ZC3H12B: variants seen among roughly 807,000 people sequenced by gnomAD.
ZC3H12B encodes the protein probable ribonuclease ZC3H12B.
ZC3H12B carries 7 observed loss-of-function variants against 43.9 expected under a neutral mutation model. That is an observed-to-expected ratio of 0.16 (90% CI 0.09 to 0.30). ZC3H12B has a LOEUF of 0.30. ZC3H12B is among the 10% of genes least tolerant of loss of function. The probability of loss-of-function intolerance (pLI) is 1.00; values close to 1 mark genes in which losing one functional copy is unlikely to be tolerated. For missense variants in ZC3H12B, 475 were observed against 670.2 expected, an observed-to-expected ratio of 0.71 and a Z score of 3.22; for synonymous variants, 222 against 241.7, an observed-to-expected ratio of 0.92 and a Z score of 0.76.
At chrX:65,117,383 C>G in the ZC3H12B span, among the ~76,000 whole-genome samples, 2 of 111,904 alleles carry the variant, frequency 1.8e-5, no homozygotes, top group African/African-American at 6.5e-5. Context: ...TGTTCATATC[C>G]TTCGCCCACT....
chrX:65,387,074 T>G (rs1173263042), intron 2 of ZC3H12B, among the ~76,000 whole-genome samples: 1 of 111,881 alleles, frequency 8.9e-6, no homozygotes, highest in African/African-American at 3.3e-5. Flanking sequence ...AACTATGTGG[T>G]CAATTTTGGA....
At chrX:65,080,730 G>A in the ZC3H12B span, among the ~76,000 whole-genome samples, 1 of 111,469 alleles carries the variant, frequency 9.0e-6, no homozygotes, top group Non-Finnish European at 1.9e-5. Flanking sequence ...AATGCTAAAG[G>A]GAGTAATTCA....
the ZC3H12B span, among the ~76,000 whole-genome samples, chrX:65,130,100 A>G: frequency 0.24 from 26,566 of 110,816 alleles, 7,709 homozygotes; most frequent in African/African-American, 0.83. Context: ...CTTGGTTGGC[A>G]AGTTTTTGGG....
chrX:65,453,392 ATATATATATAT>A (rs2067550313), intron 3 of ZC3H12B, among the ~76,000 whole-genome samples: 1 of 88,131 alleles, frequency 1.1e-5, no homozygotes, highest in African/African-American at 4.0e-5. Flanking sequence ...ATATATATAT[ATATATATATAT>A]AAAATAGAAT....
At chrX:65,415,575 G>C (rs1270931662) in intron 3 of ZC3H12B, among the ~76,000 whole-genome samples, 1 of 111,751 alleles carries the variant, frequency 8.9e-6, no homozygotes, top group South Asian at 3.8e-4. Context: ...CTGGTCAGCT[G>C]TGCCTTAACT....
chrX:65,355,381 G>A, the ZC3H12B span, among the ~76,000 whole-genome samples: 1 of 111,476 alleles, frequency 9.0e-6, no homozygotes, highest in South Asian at 3.8e-4. Context: ...TATACAAACA[G>A]GAAAGTATAT....
the ZC3H12B span, among the ~76,000 whole-genome samples, chrX:65,266,427 G>A: frequency 8.9e-6 from 1 of 112,082 alleles, no homozygotes. Flanking sequence ...ACTGGAAATA[G>A]CAAATTAGGA....
At chrX:65,369,408 A>T (rs929920938) in intron 2 of ZC3H12B, among the ~76,000 whole-genome samples, 8 of 111,998 alleles carry the variant, frequency 7.1e-5, no homozygotes, top group Non-Finnish European at 1.5e-4. Context: ...GACTTGCCTA[A>T]GATCATATAG....
chrX:65,139,270 G>A, the ZC3H12B span, among the ~76,000 whole-genome samples: 1 of 111,979 alleles, frequency 8.9e-6, no homozygotes, highest in Non-Finnish European at 1.9e-5. Context: ...TCTTCATATT[G>A]TGTGAAATAA....
At chrX:65,317,770 CTATATA>C in the ZC3H12B span, among the ~76,000 whole-genome samples, 1 of 99,418 alleles carries the variant, frequency 1.0e-5, no homozygotes, top group Non-Finnish European at 2.0e-5. Context: ...CACACACACA[CTATATA>C]TATATATATA....
chrX:65,142,836 A>G, the ZC3H12B span, among the ~76,000 whole-genome samples: 1 of 111,858 alleles, frequency 8.9e-6, no homozygotes, highest in African/African-American at 3.2e-5. Context: ...TCTGGGTTCT[A>G]TATTCTGTTT....
the ZC3H12B span, among the ~76,000 whole-genome samples, chrX:65,303,518 A>T: frequency 8.9e-6 from 1 of 112,156 alleles, no homozygotes. Context: ...ATATCTCAGT[A>T]ATCTAGGCAT....
the ZC3H12B span, among the ~76,000 whole-genome samples, chrX:65,129,828 A>C: frequency 1.8e-5 from 2 of 111,174 alleles, no homozygotes; most frequent in African/African-American, 6.6e-5. Flanking sequence ...TAGGGGCGGC[A>C]TGGGAACCTA....
chrX:65,359,181 A>G, the ZC3H12B span, among the ~76,000 whole-genome samples: 3 of 111,460 alleles, frequency 2.7e-5, no homozygotes, highest in African/African-American at 9.8e-5. Context: ...CTTTCAAGAT[A>G]TTACTTCTAT....
the ZC3H12B span, among the ~76,000 whole-genome samples, chrX:65,316,566 G>GA: frequency 3.6e-5 from 4 of 111,083 alleles, no homozygotes; most frequent in Non-Finnish European, 7.6e-5. Context: ...ATAAGTGAAG[G>GA]AAAAAAAGGT....
intron 2 of ZC3H12B, among the ~76,000 whole-genome samples, chrX:65,376,858 A>G (rs753572479): frequency 5.4e-5 from 6 of 110,877 alleles, no homozygotes; most frequent in Admixed American, 9.7e-5. Flanking sequence ...TTCAATGCCC[A>G]GACACCAAAG....
chrX:65,446,417 T>G (rs7890129), intron 3 of ZC3H12B, among the ~76,000 whole-genome samples: 9,186 of 111,172 alleles, frequency 0.083, 1,026 homozygotes, highest in African/African-American at 0.29. Flanking sequence ...CACCAGGACT[T>G]CTCCAGGAAT....
the ZC3H12B span, among the ~76,000 whole-genome samples, chrX:65,098,444 C>G: frequency 9.0e-6 from 1 of 110,798 alleles, no homozygotes; most frequent in African/African-American, 3.3e-5. Context: ...AATACAAGAA[C>G]AGGGGGATCT....
the ZC3H12B span, among the ~76,000 whole-genome samples, chrX:65,086,743 G>A: frequency 1.2e-4 from 13 of 112,125 alleles, no homozygotes; most frequent in Non-Finnish European, 2.4e-4. Flanking sequence ...GGACTTTCCT[G>A]TCTCCAGAAC....
Sources: gnomAD v4.1 joint callset for allele counts (sites outside exome capture counted in the v4.1 genomes callset) on GRCh38, gnomAD v4.1.1 for gene constraint, MANE v1.5 for transcripts, NCBI Gene and HGNC (gene_info 2026-07-23, HGNC 2026-07-21) for gene names.